LGALS8: variants seen among roughly 807,000 people sequenced by gnomAD.
The protein encoded by LGALS8 is galectin-8.
In LGALS8, 30 loss-of-function variants were observed where a neutral mutation model predicts 35.9. The ratio of observed to expected loss-of-function variants is 0.83; its 90% CI spans 0.62 to 1.13. The LOEUF (loss-of-function observed/expected upper bound fraction) is 1.13, where lower values mean the gene tolerates loss of function less well. Among genes scored for constraint, LGALS8 ranks in the 50% most tolerant of loss-of-function variants. LGALS8 has a pLI of 0.00. For synonymous variants in LGALS8, 138 were observed against 136.1 expected (o/e 1.01, Z -0.10); for missense variants, 366 against 388.7 (o/e 0.94, Z 0.49).
At chr1:236,523,924 G>A (rs12080719), upstream of LGALS8, 690 of 358,288 alleles carry the variant, frequency 1.9e-3, 1 homozygote, top group African/African-American at 0.014. Flanking sequence ...AGTGAGGCGC[G>A]CGAGCCGGGA....
At chr1:236,531,312 T>C (rs1470754684) in intron 2 of LGALS8, among the ~76,000 whole-genome samples, 3 of 152,188 alleles carry the variant, frequency 2.0e-5, no homozygotes, top group South Asian at 2.1e-4. Flanking sequence ...TCTTTACTTA[T>C]TTATTTTATT....
At chr1:236,543,143 C>T (rs1425001391) in intron 7 of LGALS8, 1 of 1,070,296 alleles carries the variant, frequency 9.3e-7, no homozygotes, top group East Asian at 2.4e-5. Flanking sequence ...GCAGCCCCCT[C>T]TGCATTTGTG....
chr1:236,542,145 C>T (rs943954690), intron 6 of LGALS8, among the ~76,000 whole-genome samples: 5 of 152,164 alleles, frequency 3.3e-5, no homozygotes, highest in African/African-American at 7.2e-5. Context: ...AGAATCTTAG[C>T]ATTCTGGGGG....
At chr1:236,519,382 C>G (rs573377921), upstream of LGALS8, among the ~76,000 whole-genome samples, 87 of 150,682 alleles carry the variant, frequency 5.8e-4, no homozygotes, top group African/African-American at 2.1e-3. Context: ...TAGAGTGAGA[C>G]TCTGTCTCAA....
chr1:236,540,464 A>C, intron 4 of LGALS8, 100 bp from the exon 5 acceptor site: 1 of 1,331,556 alleles, frequency 7.5e-7, no homozygotes, highest in South Asian at 1.6e-5. Context: ...AACAGGTATA[A>C]AACTGGACGC....
chr1:236,518,861 A>G (rs1229169708), upstream of LGALS8, among the ~76,000 whole-genome samples: 1 of 152,182 alleles, frequency 6.6e-6, no homozygotes, highest in African/African-American at 2.4e-5. Context: ...AAAATTTTAC[A>G]ATCATGTTAA....
At chr1:236,540,253 C>T (rs1024777317) in intron 4 of LGALS8, 8 of 245,272 alleles carry the variant, frequency 3.3e-5, no homozygotes, top group East Asian at 2.5e-4. Flanking sequence ...GGCTTCCAGG[C>T]GACCTTCGAA....
rs544569456 is a variant in LGALS8 at position 236,548,710 on chromosome 1, G to GATCTACCGTATCCC, written c.*552_*553insTACCGTATCCCATC. On this transcript the variant is annotated 3_prime_UTR_variant, in exon 10 of 10. Coordinates refer to ENST00000366584, the MANE Select transcript of LGALS8 (RefSeq NM_201544.4). ...CAGAAGACACAACTCCTTCCCCAGTGATCACTGTCATAACCAGTGCTCTAC... is the reference window on the plus strand; with the variant it reads ...CAGAAGACACAACTCCTTCCCCAGTGATCTACCGTATCCCATCACTGTCATAACCAGTGCTCTAC... The GATCTACCGTATCCC allele has an allele frequency of 2.5e-4, 96 of 386,112 alleles. No individual in the cohort carries two copies. The highest frequency in any genetic ancestry group is 1.9e-3 in the African/African-American group (93 of 48,496). The allele number at this position is 386,112 out of a possible 1,614,324, so 23.9% of individuals were successfully genotyped here.
At chr1:236,543,509 T>C in intron 7 of LGALS8, 51 bp from the exon 8 acceptor site, 1 of 1,312,426 alleles carries the variant, frequency 7.6e-7, no homozygotes. Flanking sequence ...GAGTTTTCCC[T>C]GGAGATCGCT....
chr1:236,539,464 G>A (rs960530091), intron 4 of LGALS8, among the ~76,000 whole-genome samples: 4 of 152,118 alleles, frequency 2.6e-5, no homozygotes, highest in Admixed American at 2.6e-4. Context: ...AATCAGAAGG[G>A]TTTTGTAAAT....
intron 9 of LGALS8, among the ~76,000 whole-genome samples, chr1:236,547,682 G>T (rs1662462961): frequency 7.2e-6 from 1 of 138,460 alleles, no homozygotes; most frequent in Admixed American, 7.0e-5. Flanking sequence ...CGGCGAGGAG[G>T]GGCAGCACTC....
intron 2 of LGALS8, among the ~76,000 whole-genome samples, chr1:236,529,676 G>T (rs1356737339): frequency 7.2e-6 from 1 of 138,922 alleles, no homozygotes; most frequent in East Asian, 2.1e-4. Context: ...AGAGATGGAG[G>T]CTTGCTCTAT....
At chr1:236,523,788 A>AG, upstream of LGALS8, 3 of 344,474 alleles carry the variant, frequency 8.7e-6, no homozygotes, top group South Asian at 6.6e-5. Context: ...CCAAGGCTCC[A>AG]GAGGCTGTGC....
intron 3 of LGALS8, among the ~76,000 whole-genome samples, chr1:236,538,284 C>T (rs562201233): frequency 2.6e-5 from 4 of 152,120 alleles, no homozygotes; most frequent in South Asian, 2.1e-4. Flanking sequence ...GTACCTAACA[C>T]CTGAAGAGCA....
At chr1:236,521,321 G>A (rs887422155), upstream of LGALS8, among the ~76,000 whole-genome samples, 4 of 152,132 alleles carry the variant, frequency 2.6e-5, no homozygotes, top group Non-Finnish European at 4.4e-5. Context: ...ACTGACATTT[G>A]AGTAGACTTG....
Position 236,549,094 on chromosome 1 carries a change from C to T in LGALS8, c.*933C>T. The T allele has an allele frequency of 2.5e-6, 1 of 398,086 alleles. No individual in the cohort carries two copies. Among genetic ancestry groups the T allele is most frequent in the Non-Finnish European group, 4.4e-6 (1 of 225,814 alleles). The allele number at this position is 398,086 out of a possible 1,614,324, so 24.7% of individuals were successfully genotyped here. ...GGCAGGCACTATCAGAAAGTGTACGCCAACTAAGGGACCCACAAAGCAGGC... is the reference window on the plus strand; with the variant it reads ...GGCAGGCACTATCAGAAAGTGTACGTCAACTAAGGGACCCACAAAGCAGGC... On this transcript the variant is annotated 3_prime_UTR_variant, in exon 10 of 10. Transcript: ENST00000366584.
At chr1:236,545,542 C>A (rs1662310845) in intron 9 of LGALS8, among the ~76,000 whole-genome samples, 2 of 152,200 alleles carry the variant, frequency 1.3e-5, no homozygotes, top group South Asian at 4.1e-4. Context: ...CACTGCCTCA[C>A]ACAGTCACTT....
chr1:236,531,016 C>A (rs558468098), intron 2 of LGALS8, among the ~76,000 whole-genome samples: 15 of 152,104 alleles, frequency 9.9e-5, no homozygotes, highest in Non-Finnish European at 1.8e-4. Flanking sequence ...TGTCTCTTTA[C>A]GTGCATGCAT....
At chr1:236,543,277 C>T (rs41307704) in intron 7 of LGALS8, 20,889 of 636,576 alleles carry the variant, frequency 0.033, 589 homozygotes, top group Admixed American at 0.11. Context: ...GCCTCAGACC[C>T]CAGGCACAGG....
Sources: allele counts gnomAD v4.1 joint callset (sites outside exome capture counted in the v4.1 genomes callset), GRCh38; gene constraint gnomAD v4.1.1; transcripts MANE v1.5; gene names NCBI Gene and HGNC (gene_info 2026-07-23, HGNC 2026-07-21).